The following MYH15 variants were observed in gnomAD, a reference collection of about 807,000 sequenced individuals.
MYH15 encodes the protein myosin heavy chain 15.
In MYH15, 227 loss-of-function variants were observed where a neutral mutation model predicts 240.5. The ratio of observed to expected loss-of-function variants is 0.94; its 90% CI spans 0.85 to 1.05. The LOEUF (loss-of-function observed/expected upper bound fraction) is 1.05. Among genes scored for constraint, MYH15 ranks in the 50% least tolerant of loss-of-function variants. The pLI is 0.00. For synonymous variants in MYH15, 785 were observed against 796.7 expected, an observed-to-expected ratio of 0.99 and a Z score of 0.25; for missense variants, 2,217 against 2,247.5, an observed-to-expected ratio of 0.99 and a Z score of 0.27.
chr3:108,427,710 T>A (rs561222811), intron 27 of MYH15, among the ~76,000 whole-genome samples: 2 of 151,826 alleles, frequency 1.3e-5, no homozygotes, highest in African/African-American at 2.4e-5. Flanking sequence ...TAAAAGGAAT[T>A]AATATTAAAT....
chr3:108,393,897 G>C, intron 36 of MYH15, 134 bp downstream of exon 36: 5 of 1,299,400 alleles, frequency 3.8e-6, no homozygotes, highest in Admixed American at 2.0e-5. Context: ...GAGGCAGAGA[G>C]GTCAGACTAA....
chr3:108,402,627 C>G (rs1009673420), intron 33 of MYH15, among the ~76,000 whole-genome samples: 31 of 152,324 alleles, frequency 2.0e-4, no homozygotes, highest in African/African-American at 7.2e-4. Context: ...CAAACAAGCA[C>G]AGTATGATAG....
chr3:108,504,714 G>T (rs183368149), intron 2 of MYH15, among the ~76,000 whole-genome samples: 1 of 152,238 alleles, frequency 6.6e-6, no homozygotes, highest in Non-Finnish European at 1.5e-5. Context: ...CTTACACCAC[G>T]GGGTGGCAGG....
chr3:108,424,798 C>T (rs1012097989), intron 27 of MYH15, among the ~76,000 whole-genome samples: 1 of 152,168 alleles, frequency 6.6e-6, no homozygotes, highest in Non-Finnish European at 1.5e-5. Context: ...TTAACAGAAA[C>T]AATTTATCAT....
chr3:108,401,892 T>C (rs2082508590), intron 33 of MYH15, among the ~76,000 whole-genome samples: 2 of 152,186 alleles, frequency 1.3e-5, no homozygotes, highest in African/African-American at 4.8e-5. Context: ...GTACATTCTT[T>C]AAGAAACATG....
chr3:108,464,567 A>C, intron 15 of MYH15, 71 bp downstream of exon 15: 2 of 1,380,462 alleles, frequency 1.4e-6, no homozygotes, highest in Non-Finnish European at 2.0e-6. Context: ...AATATCATCT[A>C]AGGACTTTGG....
the MYH15 span, among the ~76,000 whole-genome samples, chr3:108,543,041 C>T: frequency 1.3e-4 from 19 of 151,988 alleles, no homozygotes; most frequent in Middle Eastern, 3.2e-3. Context: ...CCATCATGTC[C>T]GGCTAATTTT....
At chr3:108,466,335 T>C (rs1021820706) in intron 14 of MYH15, among the ~76,000 whole-genome samples, 1 of 152,222 alleles carries the variant, frequency 6.6e-6, no homozygotes, top group Non-Finnish European at 1.5e-5. Context: ...TTTACTTTTA[T>C]TAGACTTACA....
chr3:108,396,900 A>G (rs958722695), intron 35 of MYH15, among the ~76,000 whole-genome samples: 1 of 152,154 alleles, frequency 6.6e-6, no homozygotes, highest in African/African-American at 2.4e-5. Flanking sequence ...TAGGGGGAAC[A>G]TTGGCATTCT....
rs142766302 is a variant in MYH15 at position 108,390,504 on chromosome 3, G to A, written c.5430+1256C>T. 3.8e-3 allele frequency among the ~76,000 whole-genome samples: 583 copies of A among 152,166 alleles called. 7 individuals carry two copies. Among genetic ancestry groups the A allele is most frequent in the African/African-American group, 0.013 (537 of 41,510 alleles). On this transcript the variant is annotated intron_variant, in intron 37 of 40. Coordinates refer to ENST00000693548, the MANE Select transcript of MYH15 (RefSeq NM_014981.3). ...CTTTTAAATTTTATACCTATATGCC[G>A]TTTCTCTTATACCAAAAATCTTGGT...
At position 108,466,295 on chromosome 3, in the gene MYH15, T is replaced by C. The variant is rs564634047; in HGVS notation, c.1555-1481A>G. On this transcript the variant is annotated intron_variant, in intron 14 of 40. Transcript: ENST00000693548. ...TGGTGTGTAGGAAAATTTTATTGCA[T>C]TTATATAGCGCATAATTTTTAAATG... is the stretch of plus-strand genomic sequence containing the variant. 2.0e-5 allele frequency among the ~76,000 whole-genome samples: 3 copies of C among 152,316 alleles called. No homozygotes were observed. The South Asian group carries it at 6.2e-4, about 32-fold the overall frequency.
Position 108,463,347 on chromosome 3 carries a change from T to C in MYH15, c.1732-104A>G, listed in dbSNP as rs371353228. 3.6e-4 allele frequency: 452 copies of C among 1,247,600 alleles called. 1 individual carries two copies. In the African/African-American group the frequency reaches 6.1e-3, roughly 17 times the overall value. The allele number at this position is 1,247,600 out of a possible 1,614,324, so 77.3% of individuals were successfully genotyped here. A position where few individuals can be genotyped will look rare whatever the true frequency, so the allele number is the denominator to read the frequency against. Reference sequence around the variant, plus strand: ...TTTTTTTTTTTGAGACAGGGTCTCATTCTGTTATCCAGGCTAGAATGCAGT... The same window carrying C: ...TTTTTTTTTTTGAGACAGGGTCTCACTCTGTTATCCAGGCTAGAATGCAGT... On this transcript the variant is annotated intron_variant, in intron 15 of 40. Transcript: ENST00000693548.
At chr3:108,495,921 T>A in intron 6 of MYH15, 49 bp from the exon 7 acceptor site, 4 of 1,420,070 alleles carry the variant, frequency 2.8e-6, no homozygotes, top group Non-Finnish European at 3.9e-6. Flanking sequence ...TTAGTAGAAT[T>A]CTGTAATGCG....
chr3:108,531,992 A>T (rs1379689505), upstream of MYH15, among the ~76,000 whole-genome samples: 1 of 152,062 alleles, frequency 6.6e-6, no homozygotes, highest in Non-Finnish European at 1.5e-5. Flanking sequence ...GGAGAGGTCC[A>T]CTCTCATCTT....
At chr3:108,387,369 G>C (rs2082391227) in intron 38 of MYH15, among the ~76,000 whole-genome samples, 1 of 152,134 alleles carries the variant, frequency 6.6e-6, no homozygotes, top group African/African-American at 2.4e-5. Context: ...TAGCTGATTT[G>C]ATGGCAGAAA....
At chr3:108,522,840 T>C (rs1330047652) in intron 1 of MYH15, among the ~76,000 whole-genome samples, 1 of 152,050 alleles carries the variant, frequency 6.6e-6, no homozygotes, top group Non-Finnish European at 1.5e-5. Flanking sequence ...CTAATCTCAA[T>C]AGAAGGGTTG....
chr3:108,405,360 C>T lies in MYH15; in HGVS notation c.4714G>A (p.Asp1572Asn), dbSNP rs779639902. Residue 1572 changes from aspartate to asparagine, a missense_variant, in exon 33 of 41, where the codon GAT (aspartate) becomes AAT (asparagine). Coordinates refer to ENST00000693548, the MANE Select transcript of MYH15 (RefSeq NM_014981.3). ...AELERKLSEKDEEIENFRRKQ... is the reference protein window; with the variant it reads ...AELERKLSEKNEEIENFRRKQ... ...TACCTAAAATTTTCTATTTCTTCAT[C>T]TTTCTCTGAAAGCTTTCTTTCAAGT... The T allele has an allele frequency of 6.6e-7, 1 of 1,507,254 alleles. No individual in the cohort carries two copies. The highest frequency in any genetic ancestry group is 9.0e-7 in the Non-Finnish European group (1 of 1,112,964). The allele number at this position is 1,507,254 out of a possible 1,614,324, so 93.4% of individuals were successfully genotyped here.
intron 9 of MYH15, among the ~76,000 whole-genome samples, chr3:108,489,101 T>C (rs549366915): frequency 2.0e-5 from 3 of 152,370 alleles, no homozygotes; most frequent in African/African-American, 7.2e-5. Flanking sequence ...TTATCCATTT[T>C]TTAATCCAGT....
rs560296069 is a variant in MYH15 at position 108,395,474 on chromosome 3, T to C, written c.5134-1318A>G. 2.6e-5 allele frequency among the ~76,000 whole-genome samples: 4 copies of C among 152,304 alleles called. No homozygotes were observed. In the South Asian group the frequency reaches 8.3e-4, roughly 32 times the overall value. On this transcript the variant is annotated intron_variant, in intron 35 of 40. Transcript: ENST00000693548. ...GTATTTTCCTGAAGTGTTTTTTGGA[T>C]GCTCACAGCACAGACTCCATAGAAA...
Sources: allele counts gnomAD v4.1 joint callset (sites outside exome capture counted in the v4.1 genomes callset), GRCh38; gene constraint gnomAD v4.1.1; transcripts MANE v1.5; gene names NCBI Gene and HGNC (gene_info 2026-07-23, HGNC 2026-07-21).